Variants in EPHA6 observed in about 807,000 individuals in gnomAD.
EPHA6 encodes ephrin type-A receptor 6.
In EPHA6, 50 loss-of-function variants were observed where a neutral mutation model predicts 112.0. That is an observed-to-expected ratio of 0.45 (90% CI 0.36 to 0.56). EPHA6 has a LOEUF of 0.56. Ranked by LOEUF, EPHA6 falls within the 20% of genes least tolerant of loss-of-function variation. EPHA6 has a pLI of 0.00. For synonymous variants in EPHA6, 529 were observed against 490.7 expected (o/e 1.08, Z -1.03); for missense variants, 1,280 against 1,417.4 (o/e 0.90, Z 1.56).
intron 16 of EPHA6, among the ~76,000 whole-genome samples, chr3:97,742,442 T>C (rs1374184142): frequency 6.6e-6 from 1 of 152,210 alleles, no homozygotes; most frequent in African/African-American, 2.4e-5. Flanking sequence ...TTCCTCTTAA[T>C]GTTCAAACAT....
intron 6 of EPHA6, among the ~76,000 whole-genome samples, chr3:97,435,663 A>G (rs1430060028): frequency 6.6e-6 from 1 of 152,282 alleles, no homozygotes; most frequent in African/African-American, 2.4e-5. Flanking sequence ...CATGGGCAAC[A>G]TGTGTGACCT....
intron 2 of EPHA6, among the ~76,000 whole-genome samples, chr3:96,981,547 T>C (rs1324654181): frequency 6.6e-6 from 1 of 152,244 alleles, no homozygotes; most frequent in Admixed American, 6.5e-5. Flanking sequence ...GGCTTTAGTA[T>C]CAAGATGATG....
intron 1 of EPHA6, among the ~76,000 whole-genome samples, chr3:96,838,805 G>C (rs1456698017): frequency 1.3e-5 from 2 of 152,022 alleles, no homozygotes; most frequent in Non-Finnish European, 2.9e-5. Context: ...GTACTTATAT[G>C]TGAATGGTAC....
chr3:97,727,478 A>G (rs1435078203), intron 15 of EPHA6, among the ~76,000 whole-genome samples: 2 of 152,022 alleles, frequency 1.3e-5, no homozygotes, highest in African/African-American at 2.4e-5. Flanking sequence ...AGAATAGTGG[A>G]TATGTAGAAT....
At chr3:96,844,732 G>A (rs1231279030) in intron 1 of EPHA6, among the ~76,000 whole-genome samples, 1 of 151,894 alleles carries the variant, frequency 6.6e-6, no homozygotes, top group Non-Finnish European at 1.5e-5. Flanking sequence ...AACTGAACTT[G>A]ACTTTTGAAA....
chr3:97,436,143 A>G (rs988343173), intron 6 of EPHA6, among the ~76,000 whole-genome samples: 1 of 152,178 alleles, frequency 6.6e-6, no homozygotes, highest in Admixed American at 6.5e-5. Context: ...TCTTCTGAGG[A>G]AATTCAAAAT....
chr3:97,606,422 A>G (rs1334705160), intron 12 of EPHA6, among the ~76,000 whole-genome samples: 2 of 151,356 alleles, frequency 1.3e-5, no homozygotes, highest in African/African-American at 2.4e-5. Context: ...TGTAGAATCA[A>G]TAGAACTTCA....
At chr3:97,695,226 T>C (rs1316357201) in intron 14 of EPHA6, among the ~76,000 whole-genome samples, 1 of 152,240 alleles carries the variant, frequency 6.6e-6, no homozygotes, top group Non-Finnish European at 1.5e-5. Flanking sequence ...ACAAGCCTGT[T>C]CATTTGATTA....
chr3:97,554,767 G>A (rs928785783), intron 11 of EPHA6, among the ~76,000 whole-genome samples: 1 of 151,814 alleles, frequency 6.6e-6, no homozygotes, highest in African/African-American at 2.4e-5. Context: ...AGGGAGGCTG[G>A]GAAATGTAGT....
intron 3 of EPHA6, among the ~76,000 whole-genome samples, chr3:97,201,792 TAAGA>T (rs2077584327): frequency 6.6e-6 from 1 of 152,052 alleles, no homozygotes; most frequent in African/African-American, 2.4e-5. Flanking sequence ...CAACCTTAAT[TAAGA>T]AAGTGCTGTT....
intron 2 of EPHA6, among the ~76,000 whole-genome samples, chr3:96,905,285 G>A (rs1160885326): frequency 1.3e-5 from 2 of 151,528 alleles, no homozygotes; most frequent in African/African-American, 4.8e-5. Context: ...CTATAAAAAA[G>A]GTCTGAAATT....
chr3:97,009,363 G>T (rs2043997374), intron 3 of EPHA6, among the ~76,000 whole-genome samples: 1 of 152,180 alleles, frequency 6.6e-6, no homozygotes, highest in Admixed American at 6.5e-5. Context: ...GATGGGTCCG[G>T]GTTAGACCTT....
At chr3:97,157,999 G>A (rs1346524597) in intron 3 of EPHA6, among the ~76,000 whole-genome samples, 1 of 152,066 alleles carries the variant, frequency 6.6e-6, no homozygotes, top group African/African-American at 2.4e-5. Flanking sequence ...GCATCCATAT[G>A]CATCTCCCTA....
At chr3:97,745,009 G>A (rs1314793901) in intron 16 of EPHA6, among the ~76,000 whole-genome samples, 1 of 151,964 alleles carries the variant, frequency 6.6e-6, no homozygotes, top group East Asian at 1.9e-4. Context: ...AGGATATCCT[G>A]GTCATTTTGA....
At chr3:96,951,889 T>G (rs998394871) in intron 2 of EPHA6, among the ~76,000 whole-genome samples, 1 of 152,244 alleles carries the variant, frequency 6.6e-6, no homozygotes, top group Middle Eastern at 3.4e-3. Flanking sequence ...CTCTGTGGCC[T>G]GCAGTAGTCA....
At chr3:97,354,892 AAT>A (rs1002593827) in intron 5 of EPHA6, among the ~76,000 whole-genome samples, 25 of 152,236 alleles carry the variant, frequency 1.6e-4, no homozygotes, top group African/African-American at 6.0e-4. Flanking sequence ...AAGGTGCTCC[AAT>A]ATGTCTGGCA....
chr3:96,963,057 G>C (rs988256704), intron 2 of EPHA6, among the ~76,000 whole-genome samples: 2 of 151,474 alleles, frequency 1.3e-5, no homozygotes, highest in Non-Finnish European at 2.9e-5. Context: ...GGGAGACTGA[G>C]ACAGGGGGAT....
chr3:97,225,950 G>A (rs2108543522), intron 3 of EPHA6, among the ~76,000 whole-genome samples: 1 of 152,212 alleles, frequency 6.6e-6, no homozygotes, highest in South Asian at 2.1e-4. Context: ...CCAGTCATGG[G>A]CATCCCCATT....
At chr3:97,427,247 T>G (rs1398733941) in intron 6 of EPHA6, among the ~76,000 whole-genome samples, 1 of 152,198 alleles carries the variant, frequency 6.6e-6, no homozygotes, top group East Asian at 1.9e-4. Flanking sequence ...TTGCTTATGT[T>G]CACTGCAGAA....
Sources: allele counts gnomAD v4.1 joint callset (sites outside exome capture counted in the v4.1 genomes callset), GRCh38; gene constraint gnomAD v4.1.1; transcripts MANE v1.5; gene names NCBI Gene and HGNC (gene_info 2026-07-23, HGNC 2026-07-21).